COLGALT2: variants seen among roughly 807,000 people sequenced by gnomAD.
COLGALT2 encodes the protein procollagen galactosyltransferase 2.
Under a neutral mutation model 73.4 loss-of-function variants are expected in COLGALT2, and 49 were observed. The observed-to-expected ratio is 0.67, with a 90% CI of 0.53 to 0.85. COLGALT2 has a LOEUF of 0.85. COLGALT2 is among the 40% of genes least tolerant of loss of function. The pLI is 0.00. For missense variants in COLGALT2, 722 were observed against 790.2 expected, an observed-to-expected ratio of 0.91 and a Z score of 1.03; for synonymous variants, 295 against 307.6, an observed-to-expected ratio of 0.96 and a Z score of 0.43.
At chr1:183,993,835 G>A (rs886644989) in intron 1 of COLGALT2, among the ~76,000 whole-genome samples, 1 of 152,034 alleles carries the variant, frequency 6.6e-6, no homozygotes, top group Non-Finnish European at 1.5e-5. Context: ...TGTTTAGAGA[G>A]GGAATTAGGC....
intron 8 of COLGALT2, among the ~76,000 whole-genome samples, chr1:183,948,448 G>A (rs760336989): frequency 6.6e-6 from 1 of 152,130 alleles, no homozygotes; most frequent in Non-Finnish European, 1.5e-5. Context: ...TCAAAGTAAC[G>A]TACCATATTA....
intron 1 of COLGALT2, among the ~76,000 whole-genome samples, chr1:184,021,054 C>T (rs1189269904): frequency 6.6e-6 from 1 of 152,064 alleles, no homozygotes; most frequent in East Asian, 1.9e-4. Flanking sequence ...TCTGCCTATC[C>T]TGTCAAGTCA....
intron 3 of COLGALT2, among the ~76,000 whole-genome samples, chr1:183,974,566 C>T (rs1671139054): frequency 6.6e-6 from 1 of 152,102 alleles, no homozygotes; most frequent in Middle Eastern, 3.2e-3. Flanking sequence ...CACAAGTGTG[C>T]GTGATACATT....
intron 1 of COLGALT2, among the ~76,000 whole-genome samples, chr1:183,984,412 AAAC>A (rs1370160555): frequency 6.6e-6 from 1 of 152,220 alleles, no homozygotes; most frequent in African/African-American, 2.4e-5. Context: ...CTCAAAAGAA[AAAC>A]AACAACGACA....
At chr1:183,999,867 G>C (rs1338216723) in intron 1 of COLGALT2, among the ~76,000 whole-genome samples, 1 of 151,624 alleles carries the variant, frequency 6.6e-6, no homozygotes, top group Non-Finnish European at 1.5e-5. Context: ...TCTTTTCATA[G>C]AACCATATAT....
downstream of COLGALT2, among the ~76,000 whole-genome samples, chr1:183,934,219 A>G (rs1669902115): frequency 6.6e-6 from 1 of 152,208 alleles, no homozygotes; most frequent in Non-Finnish European, 1.5e-5. Flanking sequence ...TGTCCCTGGG[A>G]TAAGAGGGAG....
intron 3 of COLGALT2, among the ~76,000 whole-genome samples, chr1:183,974,018 A>G (rs74130439): frequency 0.016 from 2,397 of 152,312 alleles, 51 homozygotes; most frequent in African/African-American, 0.055. Flanking sequence ...ACCAGGAACC[A>G]ACCTACACTT....
At chr1:183,987,204 G>T (rs1397633126) in intron 1 of COLGALT2, among the ~76,000 whole-genome samples, 1 of 152,130 alleles carries the variant, frequency 6.6e-6, no homozygotes, top group Non-Finnish European at 1.5e-5. Context: ...TTTCTCATTT[G>T]TCTATCTACC....
At chr1:183,930,300 C>T (rs1558303452) in intron 11 of COLGALT2, 1 of 456,226 alleles carries the variant, frequency 2.2e-6, no homozygotes. Flanking sequence ...CTGCACAGAA[C>T]AGAGGAAGAG....
At chr1:183,964,905 T>G (rs1670824467) in intron 5 of COLGALT2, among the ~76,000 whole-genome samples, 1 of 152,196 alleles carries the variant, frequency 6.6e-6, no homozygotes, top group Non-Finnish European at 1.5e-5. Context: ...TCCAAGCCTG[T>G]GATTTGTTAA....
chr1:183,972,616 T>A (rs1465110689), intron 4 of COLGALT2, among the ~76,000 whole-genome samples: 1 of 152,018 alleles, frequency 6.6e-6, no homozygotes. Flanking sequence ...AAAAATAACC[T>A]ACCATGGTAG....
chr1:183,945,396 A>C, intron 9 of COLGALT2, 36 bp downstream of exon 9: 1 of 1,607,640 alleles, frequency 6.2e-7, no homozygotes. Flanking sequence ...CTTTCTCCTC[A>C]TCATAAAACT....
intron 1 of COLGALT2, among the ~76,000 whole-genome samples, chr1:184,024,976 A>T (rs888684457): frequency 1.3e-5 from 2 of 152,230 alleles, no homozygotes; most frequent in Non-Finnish European, 2.9e-5. Context: ...ACACTTAATA[A>T]TCTGCCTCTC....
At chr1:183,944,951 C>T (rs535701087) in intron 9 of COLGALT2, among the ~76,000 whole-genome samples, 3 of 152,200 alleles carry the variant, frequency 2.0e-5, no homozygotes, top group Non-Finnish European at 4.4e-5. Flanking sequence ...AGGAACCCCA[C>T]ACACCAATAT....
chr1:183,999,429 C>T (rs777213215), intron 1 of COLGALT2, among the ~76,000 whole-genome samples: 5 of 151,922 alleles, frequency 3.3e-5, no homozygotes, highest in South Asian at 2.1e-4. Flanking sequence ...TTTTATTATA[C>T]GGTCCTCATA....
downstream of COLGALT2, among the ~76,000 whole-genome samples, chr1:183,934,448 G>A (rs1373614007): frequency 6.6e-6 from 1 of 152,140 alleles, no homozygotes; most frequent in Non-Finnish European, 1.5e-5. Flanking sequence ...TTGAAGGACA[G>A]CCGGTTCCCC....
At chr1:184,004,974 G>T (rs986024535) in intron 1 of COLGALT2, among the ~76,000 whole-genome samples, 1 of 152,194 alleles carries the variant, frequency 6.6e-6, no homozygotes, top group African/African-American at 2.4e-5. Context: ...AATAATTAAT[G>T]TTTTATACTC....
At chr1:184,033,834 G>A (rs558810120) in intron 1 of COLGALT2, among the ~76,000 whole-genome samples, 1 of 152,224 alleles carries the variant, frequency 6.6e-6, no homozygotes, top group Admixed American at 6.5e-5. Flanking sequence ...AATGAGAAGA[G>A]TGAGTCTGCA....
chr1:183,938,671 CAA>C lies in COLGALT2; in HGVS notation c.*88_*89del. The C allele has an allele frequency of 6.5e-7, 1 of 1,527,382 alleles. No individual in the cohort carries two copies. The highest frequency in any genetic ancestry group is 8.8e-7 in the Non-Finnish European group (1 of 1,137,838). The allele number at this position is 1,527,382 out of a possible 1,614,324, so 94.6% of individuals were successfully genotyped here. A position where few individuals can be genotyped will look rare whatever the true frequency, so the allele number is the denominator to read the frequency against. On this transcript the variant is annotated 3_prime_UTR_variant, in exon 12 of 12. Coordinates refer to ENST00000361927, the MANE Select transcript of COLGALT2 (RefSeq NM_015101.4). ...ATGACTGTGACCACTAAGAACAAAACAAAACAGAAAACTGGAGCAAACAGATG... is the reference window on the plus strand; with the variant it reads ...ATGACTGTGACCACTAAGAACAAAACAACAGAAAACTGGAGCAAACAGATG...
Sources: gnomAD v4.1 joint callset for allele counts (sites outside exome capture counted in the v4.1 genomes callset) on GRCh38, gnomAD v4.1.1 for gene constraint, MANE v1.5 for transcripts, NCBI Gene and HGNC (gene_info 2026-07-23, HGNC 2026-07-21) for gene names.